Variants in TCF7L2 observed in about 807,000 individuals in gnomAD.
TCF7L2 encodes transcription factor 7-like 2.
Under a neutral mutation model 77.9 loss-of-function variants are expected in TCF7L2, and 23 were observed. The ratio of observed to expected loss-of-function variants is 0.30; its 90% CI spans 0.21 to 0.42. The LOEUF (loss-of-function observed/expected upper bound fraction) is 0.42. TCF7L2 is among the 10% of genes least tolerant of loss of function. TCF7L2 has a pLI of 1.00. For synonymous variants in TCF7L2, 413 were observed against 340.2 expected (o/e 1.21, Z -2.36); for missense variants, 654 against 793.1 (o/e 0.82, Z 2.11).
chr10:112,982,771 C>T (rs1203842314), intron 4 of TCF7L2, among the ~76,000 whole-genome samples: 3 of 152,108 alleles, frequency 2.0e-5, no homozygotes, highest in Admixed American at 6.5e-5. Flanking sequence ...ACTACAGGCA[C>T]GCACTACCAC....
intron 1 of TCF7L2, 80 bp from the exon 2 acceptor site, chr10:112,951,127 G>A (rs2030942235): frequency 8.4e-6 from 11 of 1,315,274 alleles, no homozygotes; most frequent in South Asian, 5.4e-5. Flanking sequence ...CCTCGACCTC[G>A]CCGATTCTTT....
chr10:113,135,147 C>T (rs2067208580), intron 5 of TCF7L2, among the ~76,000 whole-genome samples: 1 of 152,204 alleles, frequency 6.6e-6, no homozygotes, highest in Admixed American at 6.5e-5. Flanking sequence ...CTTAATCAGT[C>T]TTTCACTTGC....
At chr10:113,059,479 G>C (rs1208510262) in intron 5 of TCF7L2, among the ~76,000 whole-genome samples, 1 of 152,104 alleles carries the variant, frequency 6.6e-6, no homozygotes, top group Non-Finnish European at 1.5e-5. Flanking sequence ...GGGAAAAGGC[G>C]GGGGTTGGGG....
chr10:113,155,137 C>G (rs1285261357), intron 11 of TCF7L2, among the ~76,000 whole-genome samples: 1 of 152,164 alleles, frequency 6.6e-6, no homozygotes, highest in East Asian at 1.9e-4. Flanking sequence ...GTAACGGAAG[C>G]CTTTATATCT....
intron 5 of TCF7L2, among the ~76,000 whole-genome samples, chr10:113,067,575 G>A (rs1386402349): frequency 3.3e-5 from 5 of 152,206 alleles, no homozygotes; most frequent in Admixed American, 2.6e-4. Flanking sequence ...TTCATAAGAA[G>A]TAGTGCTAGG....
chr10:113,142,449 T>TAGTGTGTGTCTTTCAGGCTACCC (rs1443590717), intron 6 of TCF7L2, among the ~76,000 whole-genome samples: 6 of 152,200 alleles, frequency 3.9e-5, no homozygotes, highest in Non-Finnish European at 7.3e-5. Context: ...CAGGTAAGGT[T>TAGTGTGTGTCTTTCAGGCTACCC]AGTGTGTGTC....
chr10:113,005,191 G>C (rs149166429), intron 4 of TCF7L2, among the ~76,000 whole-genome samples: 1 of 152,204 alleles, frequency 6.6e-6, no homozygotes, highest in Admixed American at 6.5e-5. Flanking sequence ...TGTCATAGGT[G>C]GTCTACCACG....
chr10:113,025,326 C>T (rs1388285728), intron 4 of TCF7L2, among the ~76,000 whole-genome samples: 2 of 151,782 alleles, frequency 1.3e-5, no homozygotes, highest in Non-Finnish European at 2.9e-5. Flanking sequence ...GCAATCTCCG[C>T]CTCCTGGGTT....
intron 5 of TCF7L2, chr10:113,129,683 C>A (rs1173297379): frequency 6.7e-6 from 8 of 1,191,196 alleles, no homozygotes; most frequent in African/African-American, 1.6e-5. Context: ...GGAGCCATTT[C>A]GATCTTTTTA....
At chr10:113,137,424 G>A (rs552389337) in intron 5 of TCF7L2, among the ~76,000 whole-genome samples, 5 of 152,206 alleles carry the variant, frequency 3.3e-5, no homozygotes, top group Non-Finnish European at 4.4e-5. Context: ...ACAACTCTGC[G>A]AGGTAGACAC....
At chr10:113,002,768 G>T (rs1233351405) in intron 4 of TCF7L2, among the ~76,000 whole-genome samples, 5 of 151,896 alleles carry the variant, frequency 3.3e-5, no homozygotes, top group African/African-American at 1.2e-4. Flanking sequence ...TTTGAGACTT[G>T]TTCTTAAAAA....
intron 5 of TCF7L2, among the ~76,000 whole-genome samples, chr10:113,058,818 G>T (rs1244550045): frequency 6.6e-6 from 1 of 152,198 alleles, no homozygotes; most frequent in Non-Finnish European, 1.5e-5. Context: ...CAGCAGGCCA[G>T]CGTTGCTGCT....
chr10:112,951,483 C>T lies in TCF7L2; in HGVS notation c.257C>T (p.Ala86Val), dbSNP rs1237507025. ...TCCCCTCGCCGCCCCGCCATGTTAG[C>T]GGCCAAGAGGCAAGATGGAGGGCTC... Residue 86 changes from alanine (A) to valine (V), a missense_variant and splice_region_variant, in exon 3 of 14, where the codon GCG (alanine) becomes GTG (valine). Coordinates refer to ENST00000627217, the MANE Select transcript of TCF7L2 (RefSeq NM_001146274.2). The T allele has an allele frequency of 1.4e-6, 2 of 1,427,610 alleles. No individual in the cohort carries two copies. The highest frequency in any genetic ancestry group is 1.9e-6 in the Non-Finnish European group (2 of 1,067,928). The allele number at this position is 1,427,610 out of a possible 1,614,324, so 88.4% of individuals were successfully genotyped here.
chr10:113,126,596 G>C (rs2065651583), intron 5 of TCF7L2: 1 of 985,190 alleles, frequency 1.0e-6, no homozygotes, highest in Non-Finnish European at 1.2e-6. Flanking sequence ...CTTTTGTGGG[G>C]GGGTGGGTTG....
rs549239396 is a variant in TCF7L2 at position 113,047,070 on chromosome 10, G to A, written c.552+6944G>A. 2.6e-5 allele frequency among the ~76,000 whole-genome samples: 4 copies of A among 152,242 alleles called. No homozygotes were observed. The South Asian group carries it at 8.3e-4, about 32-fold the overall frequency. On this transcript the variant is annotated intron_variant, in intron 5 of 13. Transcript: ENST00000627217. ...CAATTTACTGAATCAATGCCATATTGTTGGGTCTTTAGATTGTCTCCTTTT... is the reference window on the plus strand; with the variant it reads ...CAATTTACTGAATCAATGCCATATTATTGGGTCTTTAGATTGTCTCCTTTT...
chr10:112,986,035 G>A (rs1456331568), intron 4 of TCF7L2, among the ~76,000 whole-genome samples: 1 of 152,118 alleles, frequency 6.6e-6, no homozygotes, highest in Non-Finnish European at 1.5e-5. Context: ...TAAAGAAGTA[G>A]TGGGGAATAT....
chr10:113,077,303 T>A (rs1335752581), intron 5 of TCF7L2, among the ~76,000 whole-genome samples: 1 of 152,262 alleles, frequency 6.6e-6, no homozygotes, highest in Non-Finnish European at 1.5e-5. Context: ...AAGATAGTGG[T>A]AATTATGCCA....
intron 5 of TCF7L2, chr10:113,125,732 G>T (rs1196403934): frequency 6.6e-6 from 1 of 152,180 alleles, no homozygotes; most frequent in Non-Finnish European, 1.5e-5. Context: ...GATAATTTGT[G>T]CTGGTTTGCT....
At chr10:113,089,576 C>A in intron 5 of TCF7L2, 1 of 1,607,000 alleles carries the variant, frequency 6.2e-7, no homozygotes. Context: ...ATGAGATGAG[C>A]TAGCTCTAAA....
Sources: allele counts gnomAD v4.1 joint callset (sites outside exome capture counted in the v4.1 genomes callset), GRCh38; gene constraint gnomAD v4.1.1; transcripts MANE v1.5; gene names NCBI Gene and HGNC (gene_info 2026-07-23, HGNC 2026-07-21).